TAFA4: variants seen among roughly 807,000 people sequenced by gnomAD.
The protein encoded by TAFA4 is TAFA chemokine like family member 4, also known as chemokine-like protein TAFA-4.
A neutral mutation model predicts 21.1 loss-of-function variants in TAFA4; 20 were observed. The ratio of observed to expected loss-of-function variants is 0.95; its 90% CI spans 0.67 to 1.38. TAFA4 has a LOEUF of 1.38. TAFA4 is among the 40% of genes most tolerant of loss of function. The probability of loss-of-function intolerance (pLI) is 0.00; values close to 1 mark genes in which losing one functional copy is unlikely to be tolerated. For missense variants in TAFA4, 211 were observed against 180.9 expected, an observed-to-expected ratio of 1.17 and a Z score of -0.95; for synonymous variants, 71 against 67.4, an observed-to-expected ratio of 1.05 and a Z score of -0.26.
chr3:68,880,020 T>G (rs2089598236), intron 3 of TAFA4, among the ~76,000 whole-genome samples: 1 of 151,592 alleles, frequency 6.6e-6, no homozygotes, highest in South Asian at 2.1e-4. Context: ...TTCCACTGTG[T>G]CACTTTAAAT....
intron 3 of TAFA4, among the ~76,000 whole-genome samples, chr3:68,808,799 C>G (rs754768883): frequency 6.6e-5 from 10 of 152,178 alleles, no homozygotes; most frequent in Non-Finnish European, 1.5e-4. Context: ...TGGCTCACAA[C>G]AAGGGTTTAC....
Position 68,828,354 on chromosome 3 carries a change from A to G in TAFA4, c.130+52376T>C, listed in dbSNP as rs541054218. Among the ~76,000 whole-genome samples, 5 of 152,328 alleles carry G rather than the reference A, an allele frequency of 3.3e-5. No individual in the cohort carries two copies. In the East Asian group the frequency reaches 7.7e-4, roughly 23 times the overall value. On this transcript the variant is annotated intron_variant, in intron 3 of 5. Coordinates refer to ENST00000295569, the MANE Select transcript of TAFA4 (RefSeq NM_182522.5). ...CTTTTGGCTAAGAATTGTCTTGCCTATACAGGGTCTTTTTTGGTTCCATGT... is the reference window on the plus strand; with the variant it reads ...CTTTTGGCTAAGAATTGTCTTGCCTGTACAGGGTCTTTTTTGGTTCCATGT...
chr3:68,773,556 C>G (rs1461831496), intron 3 of TAFA4, among the ~76,000 whole-genome samples: 1 of 152,188 alleles, frequency 6.6e-6, no homozygotes, highest in East Asian at 1.9e-4. Context: ...TTCCATCCCT[C>G]TAATCCTGTG....
chr3:68,868,109 C>T (rs2089441114), intron 3 of TAFA4, among the ~76,000 whole-genome samples: 3 of 151,900 alleles, frequency 2.0e-5, no homozygotes, highest in Admixed American at 2.0e-4. Flanking sequence ...AAGAAATTCA[C>T]TTCACCTATA....
chr3:68,885,611 C>G (rs1301756829), intron 1 of TAFA4, among the ~76,000 whole-genome samples: 2 of 152,118 alleles, frequency 1.3e-5, no homozygotes, highest in Non-Finnish European at 2.9e-5. Context: ...TTGAAATGCA[C>G]AAATTTCACT....
chr3:68,752,818 T>G (rs1183959493), intron 4 of TAFA4, 45 bp downstream of exon 4: 4 of 1,613,446 alleles, frequency 2.5e-6, no homozygotes, highest in African/African-American at 2.7e-5. Flanking sequence ...CTGGTGGGTT[T>G]TGGCCTTTTT....
At chr3:68,799,753 C>T (rs148639242) in intron 3 of TAFA4, among the ~76,000 whole-genome samples, 11 of 151,906 alleles carry the variant, frequency 7.2e-5, no homozygotes, top group South Asian at 4.1e-4. Flanking sequence ...GCAAAGAGAT[C>T]GTGTCTCCAA....
At chr3:68,907,084 C>T (rs1286978539) in intron 1 of TAFA4, among the ~76,000 whole-genome samples, 1 of 142,814 alleles carries the variant, frequency 7.0e-6, no homozygotes, top group East Asian at 2.1e-4. Flanking sequence ...AGAAAGAACT[C>T]ATTGCTGTCT....
chr3:68,829,608 T>A (rs940054010), intron 3 of TAFA4, among the ~76,000 whole-genome samples: 30 of 152,228 alleles, frequency 2.0e-4, no homozygotes, highest in African/African-American at 6.8e-4. Context: ...TATGGCGGAT[T>A]TTCGCATCGA....
intron 3 of TAFA4, among the ~76,000 whole-genome samples, chr3:68,770,784 TA>T (rs1461404581): frequency 2.6e-5 from 4 of 152,050 alleles, no homozygotes; most frequent in African/African-American, 9.7e-5. Context: ...AAGTGCCAGG[TA>T]GAGAAGGGTG....
At chr3:68,847,019 C>T (rs1184830482) in intron 3 of TAFA4, among the ~76,000 whole-genome samples, 1 of 152,208 alleles carries the variant, frequency 6.6e-6, no homozygotes, top group Non-Finnish European at 1.5e-5. Context: ...AGGAGGCAGT[C>T]TGTTCCTTAG....
chr3:68,842,550 A>C (rs1157875835), intron 3 of TAFA4, among the ~76,000 whole-genome samples: 1 of 152,180 alleles, frequency 6.6e-6, no homozygotes, highest in African/African-American at 2.4e-5. Flanking sequence ...TAGTTTATTT[A>C]GATCCGATTT....
intron 3 of TAFA4, among the ~76,000 whole-genome samples, chr3:68,780,984 G>T (rs925738923): frequency 2.7e-5 from 4 of 150,636 alleles, no homozygotes; most frequent in African/African-American, 4.9e-5. Context: ...GTAAATAAAA[G>T]AATAGTATTT....
At chr3:68,857,207 G>A (rs1336538219) in intron 3 of TAFA4, among the ~76,000 whole-genome samples, 1 of 152,036 alleles carries the variant, frequency 6.6e-6, no homozygotes, top group Non-Finnish European at 1.5e-5. Flanking sequence ...ACTGCCAAAC[G>A]TTGTCATGTA....
At chr3:68,929,845 T>A (rs2090143322) in intron 1 of TAFA4, among the ~76,000 whole-genome samples, 1 of 152,244 alleles carries the variant, frequency 6.6e-6, no homozygotes, top group African/African-American at 2.4e-5. Flanking sequence ...GACTTCCTTC[T>A]TTCCCTTATT....
At chr3:68,827,668 G>C (rs1016065727) in intron 3 of TAFA4, among the ~76,000 whole-genome samples, 2 of 152,108 alleles carry the variant, frequency 1.3e-5, no homozygotes, top group Admixed American at 6.5e-5. Context: ...ATGTTTGTTG[G>C]CTGCATAAAT....
intron 3 of TAFA4, among the ~76,000 whole-genome samples, chr3:68,820,044 AAATG>A (rs1704078190): frequency 6.6e-6 from 1 of 152,248 alleles, no homozygotes; most frequent in Non-Finnish European, 1.5e-5. Flanking sequence ...AAGTGTACAT[AAATG>A]AATGAAGGAA....
intron 4 of TAFA4, among the ~76,000 whole-genome samples, chr3:68,746,553 G>A (rs1196796506): frequency 6.6e-6 from 1 of 152,052 alleles, no homozygotes; most frequent in Non-Finnish European, 1.5e-5. Flanking sequence ...AAGATTCTGT[G>A]TTCTTTAAAA....
intron 3 of TAFA4, among the ~76,000 whole-genome samples, chr3:68,810,814 G>C (rs1703819339): frequency 1.3e-5 from 2 of 152,174 alleles, no homozygotes; most frequent in Non-Finnish European, 1.5e-5. Context: ...TCACAGCTTT[G>C]AAGAGAGTAG....
Sources: allele counts gnomAD v4.1 joint callset (sites outside exome capture counted in the v4.1 genomes callset), GRCh38; gene constraint gnomAD v4.1.1; transcripts MANE v1.5; gene names NCBI Gene and HGNC (gene_info 2026-07-23, HGNC 2026-07-21).